Variants in DNAH5 observed in about 807,000 individuals in gnomAD.
DNAH5 encodes axonemal beta dynein heavy chain 5.
Under a neutral mutation model 518.2 loss-of-function variants are expected in DNAH5, and 372 were observed. That is an observed-to-expected ratio of 0.72 (90% CI 0.66 to 0.78). DNAH5 has a LOEUF of 0.78. Among genes scored for constraint, DNAH5 ranks in the 30% least tolerant of loss-of-function variants. The pLI is 0.00. For synonymous variants in DNAH5, 2,039 were observed against 2,025.9 expected (o/e 1.01, Z -0.17); for missense variants, 5,523 against 5,687.0 (o/e 0.97, Z 0.93).
At chr5:13,969,718 TG>T (rs1781751299) in intron 1 of DNAH5, among the ~76,000 whole-genome samples, 1 of 152,216 alleles carries the variant, frequency 6.6e-6, no homozygotes, top group Admixed American at 6.5e-5. Context: ...ACTTGTTTTG[TG>T]GCCTGTCACA....
intron 76 of DNAH5, among the ~76,000 whole-genome samples, chr5:13,706,609 C>A: frequency 6.6e-6 from 1 of 152,308 alleles, no homozygotes; most frequent in Non-Finnish European, 1.5e-5. Flanking sequence ...CATGCACACA[C>A]AAATACAGAA....
intron 62 of DNAH5, 135 bp from the exon 63 acceptor site, chr5:13,753,684 G>A (rs1474085048): frequency 6.0e-6 from 5 of 828,282 alleles, no homozygotes; most frequent in African/African-American, 1.7e-5. Flanking sequence ...GGAGGCACAA[G>A]TGGCTGTGCT....
intron 25 of DNAH5, among the ~76,000 whole-genome samples, chr5:13,867,122 T>C (rs954780640): frequency 6.6e-6 from 1 of 152,238 alleles, no homozygotes; most frequent in African/African-American, 2.4e-5. Flanking sequence ...TTTAGAATGC[T>C]ACCAAACAAC....
Position 13,740,189 on chromosome 5 carries a change from T to C in DNAH5, c.11212-2694A>G, listed in dbSNP as rs78871514. On this transcript the variant is annotated intron_variant, in intron 65 of 78. Transcript: ENST00000265104. ...CTTCAAAATGAGATTCAGAATCTAA[T>C]CATTTCTCACTCCCTCCACTATCAC... Among the ~76,000 whole-genome samples, 354 of 152,206 alleles carry C rather than the reference T, an allele frequency of 2.3e-3. 13 individuals carry two copies. In the East Asian group the frequency reaches 0.065, roughly 28 times the overall value.
Position 13,944,253 on chromosome 5 carries a change from A to T in DNAH5, c.57+129T>A, listed in dbSNP as rs1581000980. On this transcript the variant is annotated intron_variant, in intron 1 of 78. Transcript: ENST00000265104. ...CCTATGCACCAGGTGAACATTAGTT[A>T]AAAAATGTGTTTCTCGCAAATTCAT... 2.2e-5 allele frequency: 20 copies of T among 921,964 alleles called. No homozygotes were observed. In the East Asian group the frequency reaches 4.0e-4, roughly 18 times the overall value. The allele number at this position is 921,964 out of a possible 1,614,324, so 57.1% of individuals were successfully genotyped here.
intron 55 of DNAH5, among the ~76,000 whole-genome samples, chr5:13,776,047 C>T (rs2126808307): frequency 6.6e-6 from 1 of 151,314 alleles, no homozygotes; most frequent in South Asian, 2.1e-4. Flanking sequence ...ATTTCATTTG[C>T]AAAGTAAGGA....
intron 35 of DNAH5, among the ~76,000 whole-genome samples, chr5:13,836,417 T>G (rs566666733): frequency 8.5e-5 from 13 of 152,166 alleles, no homozygotes; most frequent in African/African-American, 2.9e-4. Flanking sequence ...GTCAGAAACA[T>G]GAAGAGGAAC....
At chr5:13,767,401 AG>A (rs1469435095) in intron 58 of DNAH5, among the ~76,000 whole-genome samples, 1 of 152,258 alleles carries the variant, frequency 6.6e-6, no homozygotes, top group African/African-American at 2.4e-5. Flanking sequence ...CTGGAATTAC[AG>A]GCGTGAGCCA....
intron 1 of DNAH5, among the ~76,000 whole-genome samples, chr5:13,953,804 T>C (rs1780586672): frequency 6.6e-6 from 1 of 152,062 alleles, no homozygotes; most frequent in Non-Finnish European, 1.5e-5. Context: ...GCCTCCCAGG[T>C]TCAAGTGATT....
rs114814872 is a variant in DNAH5 at position 13,735,736 on chromosome 5, G to A, written c.11570+82C>T. The A allele has an allele frequency of 2.0e-3, 2,134 of 1,067,926 alleles. 31 individuals carry two copies. In the African/African-American group the frequency reaches 0.029, roughly 14 times the overall value. The allele number at this position is 1,067,926 out of a possible 1,614,324, so 66.2% of individuals were successfully genotyped here. ...AAAGAAAAAGACTCTTACTAACAAAGGAGAAGGAAGTTATAAATGTAATGT... is the reference window on the plus strand; with the variant it reads ...AAAGAAAAAGACTCTTACTAACAAAAGAGAAGGAAGTTATAAATGTAATGT... On this transcript the variant is annotated intron_variant, in intron 67 of 78. Coordinates refer to ENST00000265104, the MANE Select transcript of DNAH5 (RefSeq NM_001369.3).
chr5:13,718,756 C>T, intron 72 of DNAH5, 126 bp downstream of exon 72: 1 of 792,572 alleles, frequency 1.3e-6, no homozygotes, highest in South Asian at 1.5e-5. Context: ...ACCATCACCT[C>T]CCCATCAGGT....
chr5:13,700,178 C>G (rs1042308835), intron 78 of DNAH5, among the ~76,000 whole-genome samples: 4 of 152,150 alleles, frequency 2.6e-5, no homozygotes, highest in African/African-American at 4.8e-5. Flanking sequence ...AGAACCACAG[C>G]CTTCAACTGA....
Position 13,919,181 on chromosome 5 carries a change from G to A in DNAH5, c.970C>T (p.Leu324=). 1 of 1,613,894 alleles carries A rather than the reference G, an allele frequency of 6.2e-7. No homozygotes were observed. Among genetic ancestry groups the A allele is most frequent in the South Asian group, 1.1e-5 (1 of 91,066 alleles). The change falls in exon 7 of 79, where the codon CTG becomes TTG. Residue 324 remains leucine, a synonymous_variant. Transcript: ENST00000265104. The part of the protein sequence containing the change: ...AVLAAAKSKL[L]KTWREMDIRI... ...AAAATGAAATGGCTGACGACCTTCA[G>A]CAGTTTCGACTTGGCCGCCGCAAGC...
intron 1 of DNAH5, among the ~76,000 whole-genome samples, chr5:13,992,276 C>T (rs1488296855): frequency 6.6e-6 from 1 of 152,194 alleles, no homozygotes; most frequent in African/African-American, 2.4e-5. Context: ...ATCCTAATCC[C>T]ACCAAGGCCT....
intron 30 of DNAH5, among the ~76,000 whole-genome samples, chr5:13,856,609 A>G (rs1767672577): frequency 6.6e-6 from 1 of 152,202 alleles, no homozygotes. Context: ...TCAATGCAAA[A>G]ATCTTCAATA....
chr5:13,917,353 G>C (rs1412171970), intron 7 of DNAH5, 97 bp from the exon 8 acceptor site: 3 of 855,194 alleles, frequency 3.5e-6, no homozygotes, highest in South Asian at 1.4e-5. Context: ...CATTAGGCGA[G>C]ACCTTCTGTC....
At chr5:13,904,815 G>A (rs1377610719) in intron 12 of DNAH5, among the ~76,000 whole-genome samples, 3 of 152,134 alleles carry the variant, frequency 2.0e-5, no homozygotes, top group African/African-American at 7.2e-5. Flanking sequence ...GGAGGCTGAG[G>A]TGGGATGATC....
chr5:13,749,173 A>C (rs995542793), intron 65 of DNAH5, among the ~76,000 whole-genome samples: 1 of 152,144 alleles, frequency 6.6e-6, no homozygotes, highest in Non-Finnish European at 1.5e-5. Context: ...TCATTTTGGG[A>C]ACAAAATAAA....
At position 13,700,869 on chromosome 5, in the gene DNAH5, T is replaced by C. The variant is rs1742010261; in HGVS notation, c.13494A>G (p.Glu4498=). 1 of 1,614,114 alleles carries C rather than the reference T, an allele frequency of 6.2e-7. No individual in the cohort carries two copies. The highest frequency in any genetic ancestry group is 8.5e-7 in the Non-Finnish European group (1 of 1,179,972). ...PQGFLTAMRQ[E]ITRANKGWAL... ...CCCAGCCTTTGTTGGCCCGAGTTAT[T>C]TCCTATTCAGGGCAGCAAAAGATGA... The change falls in exon 78 of 79, where the codon GAA becomes GAG. Residue 4498 remains glutamate (E), a splice_region_variant and synonymous_variant. Transcript: ENST00000265104.
Sources: gnomAD v4.1 joint callset for allele counts (sites outside exome capture counted in the v4.1 genomes callset) on GRCh38, gnomAD v4.1.1 for gene constraint, MANE v1.5 for transcripts, NCBI Gene and HGNC (gene_info 2026-07-23, HGNC 2026-07-21) for gene names.